TMA7B: variants seen among roughly 807,000 people sequenced by gnomAD.
The protein encoded by TMA7B is translation machinery associated 7 homolog B.
chr22:39,963,326 G>C, the TMA7B span, among the ~76,000 whole-genome samples: 1 of 152,088 alleles, frequency 6.6e-6, no homozygotes, highest in Non-Finnish European at 1.5e-5. Flanking sequence ...TCCTCTCCTT[G>C]TAGACCCAGA....
At chr22:39,961,861 G>A in the TMA7B span, among the ~76,000 whole-genome samples, 13 of 152,226 alleles carry the variant, frequency 8.5e-5, no homozygotes, top group African/African-American at 2.9e-4. Context: ...ATAAACTGTG[G>A]CCACTTTGCT....
At chr22:39,964,296 C>A in the TMA7B span, 2 of 669,196 alleles carry the variant, frequency 3.0e-6, no homozygotes, top group Non-Finnish European at 5.4e-6. Context: ...ACTTGTGAGT[C>A]CAGACTGGCA....
At chr22:39,964,599 C>A in the TMA7B span, 1 of 753,484 alleles carries the variant, frequency 1.3e-6, no homozygotes, top group East Asian at 2.5e-5. Context: ...GAGACGGTGA[C>A]CCTTTATTTC....
At chr22:39,963,037 G>A in the TMA7B span, among the ~76,000 whole-genome samples, 7 of 152,134 alleles carry the variant, frequency 4.6e-5, no homozygotes, top group African/African-American at 1.2e-4. Context: ...GACTTCTACC[G>A]AAGTCTTCCC....
chr22:39,963,166 A>G, the TMA7B span, among the ~76,000 whole-genome samples: 2 of 152,320 alleles, frequency 1.3e-5, no homozygotes, highest in South Asian at 2.1e-4. Context: ...TTATTTTTAC[A>G]TCTGTCATGG....
chr22:39,960,956 T>TC, the TMA7B span: 1 of 148,936 alleles, frequency 6.7e-6, no homozygotes, highest in Non-Finnish European at 1.5e-5. Flanking sequence ...AAGTCTTCTT[T>TC]TTTTTTTTTT....
the TMA7B span, among the ~76,000 whole-genome samples, chr22:39,961,580 T>TG: frequency 6.6e-6 from 1 of 152,132 alleles, no homozygotes; most frequent in Admixed American, 6.5e-5. Context: ...CCATAGGAAG[T>TG]GACTCAGTCC....
At chr22:39,963,732 CCATGGT>C in the TMA7B span, among the ~76,000 whole-genome samples, 1 of 152,286 alleles carries the variant, frequency 6.6e-6, no homozygotes, top group African/African-American at 2.4e-5. Flanking sequence ...TAAGAAACCT[CCATGGT>C]CAGGCGCAGT....
the TMA7B span, chr22:39,964,229 CCCTT>C: frequency 1.7e-6 from 1 of 578,448 alleles, no homozygotes; most frequent in Non-Finnish European, 3.0e-6. Context: ...GCTCAGCCCA[CCCTT>C]CCTAGATGGA....
chr22:39,964,408 C>T, the TMA7B span: 1 of 817,538 alleles, frequency 1.2e-6, no homozygotes, highest in Non-Finnish European at 2.1e-6. Flanking sequence ...GAAGAAGGCA[C>T]TGAAACAGCC....
the TMA7B span, among the ~76,000 whole-genome samples, chr22:39,962,508 A>G: frequency 1.3e-5 from 2 of 152,166 alleles, no homozygotes; most frequent in African/African-American, 2.4e-5. Flanking sequence ...GCGTGTATAT[A>G]TATTACAAGT....
At chr22:39,964,444 G>T in the TMA7B span, 1 of 938,552 alleles carries the variant, frequency 1.1e-6, no homozygotes, top group South Asian at 1.4e-5. Context: ...GGAGATGGAC[G>T]AGGAAGAGAA....
At chr22:39,963,908 T>C in the TMA7B span, 238 of 153,442 alleles carry the variant, frequency 1.6e-3, 1 homozygote, top group Non-Finnish European at 2.5e-3. Flanking sequence ...CCCAGCTACT[T>C]GGGAGGCTGA....
At chr22:39,962,234 G>A in the TMA7B span, among the ~76,000 whole-genome samples, 2 of 152,030 alleles carry the variant, frequency 1.3e-5, no homozygotes, top group Non-Finnish European at 2.9e-5. Context: ...GACCAGCCGG[G>A]GCAACTAGTG....
the TMA7B span, among the ~76,000 whole-genome samples, chr22:39,962,174 G>T: frequency 6.6e-6 from 1 of 152,190 alleles, no homozygotes; most frequent in South Asian, 2.1e-4. Flanking sequence ...TCTAATCCCA[G>T]CACTTTGGGA....
the TMA7B span, chr22:39,964,338 T>C: frequency 2.8e-6 from 2 of 701,914 alleles, no homozygotes; most frequent in Non-Finnish European, 5.2e-6. Context: ...GAAGTTATCG[T>C]CCAGTGGCAG....
At chr22:39,961,795 A>C in the TMA7B span, among the ~76,000 whole-genome samples, 11 of 152,248 alleles carry the variant, frequency 7.2e-5, no homozygotes, top group East Asian at 1.2e-3. Flanking sequence ...GGTTTATTCA[A>C]TATATTTTGA....
the TMA7B span, among the ~76,000 whole-genome samples, chr22:39,962,012 A>G: frequency 6.6e-6 from 1 of 152,244 alleles, no homozygotes; most frequent in Non-Finnish European, 1.5e-5. Context: ...TTCTTCAGTA[A>G]AAACTTTATT....
At chr22:39,964,341 A>G in the TMA7B span, 1 of 703,298 alleles carries the variant, frequency 1.4e-6, no homozygotes, top group Non-Finnish European at 2.6e-6. Context: ...GTTATCGTCC[A>G]GTGGCAGGGT....
Sources: gnomAD v4.1 joint callset for allele counts (sites outside exome capture counted in the v4.1 genomes callset) on GRCh38, gnomAD v4.1.1 for gene constraint, MANE v1.5 for transcripts, NCBI Gene and HGNC (gene_info 2026-07-23, HGNC 2026-07-21) for gene names.